GAGE10: variants seen among roughly 807,000 people sequenced by gnomAD.
The protein encoded by GAGE10 is G antigen 10.
GAGE10 carries 9 observed loss-of-function variants against 11.5 expected under a neutral mutation model. That is an observed-to-expected ratio of 0.78 (90% CI 0.47 to 1.37). The LOEUF (loss-of-function observed/expected upper bound fraction) is 1.37. GAGE10 is among the 40% of genes most tolerant of loss of function. The pLI is 0.00. For synonymous variants in GAGE10, 23 were observed against 29.7 expected, an observed-to-expected ratio of 0.77 and a Z score of 0.73; for missense variants, 83 against 92.9, an observed-to-expected ratio of 0.89 and a Z score of 0.44.
At chrX:49,314,109 T>G (rs1251962635) in intron 3 of GAGE10, among the ~76,000 whole-genome samples, 1 of 112,656 alleles carries the variant, frequency 8.9e-6, no homozygotes, top group African/African-American at 3.2e-5. Flanking sequence ...CCATGTGTAG[T>G]GTAAACATGT....
intron 3 of GAGE10, among the ~76,000 whole-genome samples, chrX:49,308,350 G>A (rs782420686): frequency 1.8e-5 from 2 of 112,577 alleles, no homozygotes; most frequent in Non-Finnish European, 3.8e-5. Context: ...ACGGCCAGGG[G>A]AGACCTGGTA....
At chrX:49,306,184 A>T (rs1441187221) in intron 3 of GAGE10, among the ~76,000 whole-genome samples, 1 of 112,397 alleles carries the variant, frequency 8.9e-6, no homozygotes, top group Non-Finnish European at 1.9e-5. Flanking sequence ...ATTGAGATAG[A>T]AATAATTTCT....
chrX:49,304,882 C>T lies in GAGE10; in HGVS notation c.23C>T (p.Thr8Ile). The T allele has an allele frequency of 8.3e-7, 1 of 1,207,763 alleles. No individual in the cohort carries two copies. The highest frequency in any genetic ancestry group is 2.7e-4 in the Middle Eastern group (1 of 3,742). The change falls in exon 2 of 5, where the codon ACC becomes ATC. Residue 8 changes from threonine (T) to isoleucine (I), a missense_variant. Transcript: ENST00000407599. MSWRGRS[T>I]YRPRPRRYVE... ...AATATGAGTTGGCGAGGAAGATCGA[C>T]CTATCGGCCTAGACCAAGACGCTAC...
intron 3 of GAGE10, among the ~76,000 whole-genome samples, chrX:49,311,596 A>G (rs1346711549): frequency 8.9e-6 from 1 of 112,274 alleles, no homozygotes; most frequent in African/African-American, 3.2e-5. Flanking sequence ...GAAAAGAAAG[A>G]GAGCCCCTCG....
rs782222966 is a variant in GAGE10, at chrX:49,305,557, G to A, written c.202+33G>A. ...AAAGGGAAGAAGAACGTCTGCTGGT[G>A]TGTGCGTGTGTGTGTGTTCGTGTGT... On this transcript the variant is annotated intron_variant, in intron 3 of 4. Coordinates refer to ENST00000407599, the MANE Select transcript of GAGE10 (RefSeq NM_001098413.4). 32 of 1,156,343 alleles carry A rather than the reference G, an allele frequency of 2.8e-5. No individual in the cohort carries two copies. The African/African-American group carries it at 5.3e-4, about 19-fold the overall frequency.
chrX:49,316,900 A>C (rs2147989176), intron 3 of GAGE10, among the ~76,000 whole-genome samples: 1 of 111,292 alleles, frequency 9.0e-6, no homozygotes, highest in African/African-American at 3.3e-5. Context: ...GGACAATCAG[A>C]GGTAGAATAA....
At chrX:49,313,261 T>A (rs1557124905) in intron 3 of GAGE10, among the ~76,000 whole-genome samples, 1 of 111,830 alleles carries the variant, frequency 8.9e-6, no homozygotes, top group Non-Finnish European at 1.9e-5. Flanking sequence ...ACCACAGAGT[T>A]CAGGGAAGGT....
intron 3 of GAGE10, among the ~76,000 whole-genome samples, chrX:49,306,716 C>T (rs782359378): frequency 8.9e-5 from 10 of 111,773 alleles, no homozygotes; most frequent in African/African-American, 1.3e-4. Flanking sequence ...TCAAGCTGGG[C>T]TGAATGCTGT....
At chrX:49,317,664 A>C (rs1316035296) in intron 4 of GAGE10, among the ~76,000 whole-genome samples, 2 of 111,729 alleles carry the variant, frequency 1.8e-5, no homozygotes, top group East Asian at 2.8e-4. Flanking sequence ...TTATATTTTT[A>C]ATAACACAGG....
At chrX:49,305,299 G>A in intron 2 of GAGE10, 105 bp from the exon 3 acceptor site, 1 of 905,302 alleles carries the variant, frequency 1.1e-6, no homozygotes, top group Non-Finnish European at 1.5e-6. Context: ...ATGTCTTTAG[G>A]CTTAGTTAGG....
intron 4 of GAGE10, among the ~76,000 whole-genome samples, chrX:49,318,672 A>C (rs2066403323): frequency 9.7e-6 from 1 of 102,726 alleles, no homozygotes; most frequent in African/African-American, 3.6e-5. Context: ...CCACTATCTC[A>C]TCATCTAGCA....
chrX:49,317,242 G>A lies in GAGE10; in HGVS notation c.282G>A (p.Gln94=). Reference sequence around the variant, plus strand: ...AGTGTGGAGATGGTCCTGATGGCCAGGAGATGGGCCTGCCAAATCCAGAGG... The same window carrying A: ...AGTGTGGAGATGGTCCTGATGGCCAAGAGATGGGCCTGCCAAATCCAGAGG... ...GCECGDGPDG[Q]EMGLPNPEEV... The change falls in exon 4 of 5, where the codon CAG becomes CAA. Residue 94 remains glutamine (Q), a synonymous_variant. Coordinates refer to ENST00000407599, the MANE Select transcript of GAGE10 (RefSeq NM_001098413.4). The A allele has an allele frequency of 8.3e-7, 1 of 1,208,470 alleles. No homozygotes were observed. The highest frequency in any genetic ancestry group is 1.1e-6 in the Non-Finnish European group (1 of 893,309).
At chrX:49,304,459 A>G (rs2066347995) in intron 1 of GAGE10, among the ~76,000 whole-genome samples, 1 of 112,952 alleles carries the variant, frequency 8.9e-6, no homozygotes, top group South Asian at 3.6e-4. Context: ...GACCTCTGCC[A>G]GTGGGGCGCC....
chrX:49,306,868 G>T (rs2066359044), intron 3 of GAGE10, among the ~76,000 whole-genome samples: 2 of 111,277 alleles, frequency 1.8e-5, no homozygotes, highest in Admixed American at 1.9e-4. Flanking sequence ...GATAACTAAA[G>T]GTTTCATGGT....
Position 49,304,987 on chromosome X carries a change from A to AT in GAGE10, c.81+52dup, listed in dbSNP as rs782505969. On this transcript the variant is annotated intron_variant, in intron 2 of 4. Coordinates refer to ENST00000407599, the MANE Select transcript of GAGE10 (RefSeq NM_001098413.4). ...CGTTGTTTTCTATTAGCAGAAATTA[A>AT]TTTTTGTGACAGTATTGTTGCATTA... is the stretch of plus-strand genomic sequence containing the variant. 1.4e-4 allele frequency: 162 copies of AT among 1,160,736 alleles called. 3 individuals are homozygous for AT. The East Asian group carries it at 4.8e-3, about 34-fold the overall frequency.
Position 49,316,698 on chromosome X carries a change from A to G in GAGE10, c.203-465A>G, listed in dbSNP as rs2066392943. On this transcript the variant is annotated intron_variant, in intron 3 of 4. Coordinates refer to ENST00000407599, the MANE Select transcript of GAGE10 (RefSeq NM_001098413.4). ...TTTGTCTTTGTCATTCATGATACAGACATTTTTGAAGAGGATAGACCAGTT... is the reference window on the plus strand; with the variant it reads ...TTTGTCTTTGTCATTCATGATACAGGCATTTTTGAAGAGGATAGACCAGTT... 3.6e-5 allele frequency among the ~76,000 whole-genome samples: 4 copies of G among 112,168 alleles called. No individual in the cohort carries two copies. The South Asian group carries it at 1.1e-3, about 31-fold the overall frequency.
chrX:49,315,787 C>T (rs782193570), intron 3 of GAGE10, among the ~76,000 whole-genome samples: 1 of 112,177 alleles, frequency 8.9e-6, no homozygotes, highest in Admixed American at 9.4e-5. Context: ...AGTTCTCAAC[C>T]TTTGGAGGAT....
chrX:49,314,443 G>A (rs782518726), intron 3 of GAGE10, among the ~76,000 whole-genome samples: 2 of 112,384 alleles, frequency 1.8e-5, no homozygotes, highest in Non-Finnish European at 3.8e-5. Context: ...TATTCAGGAA[G>A]GACTGCTCTG....
chrX:49,313,050 C>T (rs1365393448), intron 3 of GAGE10, among the ~76,000 whole-genome samples: 2 of 111,980 alleles, frequency 1.8e-5, no homozygotes, highest in Admixed American at 9.4e-5. Flanking sequence ...TTGTTTACAC[C>T]TTCTCAGGGT....
Sources: gnomAD v4.1 joint callset for allele counts (sites outside exome capture counted in the v4.1 genomes callset) on GRCh38, gnomAD v4.1.1 for gene constraint, MANE v1.5 for transcripts, NCBI Gene and HGNC (gene_info 2026-07-23, HGNC 2026-07-21) for gene names.